Variants in SPIRE1 observed in about 807,000 individuals in gnomAD.
SPIRE1 encodes protein spire homolog 1.
A neutral mutation model predicts 94.1 loss-of-function variants in SPIRE1; 40 were observed. The observed-to-expected ratio is 0.43, with a 90% CI of 0.33 to 0.55. The LOEUF (loss-of-function observed/expected upper bound fraction) is 0.55, where lower values mean the gene tolerates loss of function less well. Among genes scored for constraint, SPIRE1 ranks in the 20% least tolerant of loss-of-function variants. SPIRE1 has a pLI of 0.06. For synonymous variants in SPIRE1, 376 were observed against 371.7 expected (o/e 1.01, Z -0.13); for missense variants, 838 against 975.2 (o/e 0.86, Z 1.87).
chr18:12,499,804 A>G (rs2033592983), intron 6 of SPIRE1, among the ~76,000 whole-genome samples: 1 of 152,200 alleles, frequency 6.6e-6, no homozygotes. Flanking sequence ...GAGTGAAAAG[A>G]CAGTCTGCAG....
At chr18:12,466,289 A>G (rs539833695) in intron 10 of SPIRE1, among the ~76,000 whole-genome samples, 1 of 151,872 alleles carries the variant, frequency 6.6e-6, no homozygotes, top group East Asian at 1.9e-4. Context: ...ATATATATAT[A>G]TTTTTGAGAC....
intron 12 of SPIRE1, among the ~76,000 whole-genome samples, chr18:12,461,519 T>A (rs1251597823): frequency 9.4e-6 from 1 of 106,590 alleles, no homozygotes; most frequent in East Asian, 3.6e-4. Flanking sequence ...CGTACATACA[T>A]ATGTGTGGTA....
In SPIRE1 at chr18:12,506,557, G is replaced by A; in HGVS notation, c.892C>T (p.Pro298Ser). The change falls in exon 6 of 17, where the codon CCC (proline) becomes TCC (serine). Residue 298 changes from proline to serine, a missense_variant. Physicochemically the swap from Pro to Ser is moderately conservative, Grantham distance 74. Around this residue, in one of 2 missense-constraint regions of SPIRE1, gnomAD observed 645 missense variants for 804.7 expected, o/e 0.80. Transcript: ENST00000409402. Reference protein sequence around the residue: ...KVQERQYNPLPIEYQLTPYEM... With the variant: ...KVQERQYNPLSIEYQLTPYEM... ...TAAGGGGTGAGCTGATATTCAATGG[G>A]CAAAGGGTTGTACTGCCGCTCTTGG... 1 of 1,613,906 alleles carries A rather than the reference G, an allele frequency of 6.2e-7. No homozygotes were observed.
intron 16 of SPIRE1, 101 bp from the exon 17 acceptor site, chr18:12,449,997 T>A (rs2031148962): frequency 8.3e-7 from 1 of 1,207,842 alleles, no homozygotes; most frequent in Non-Finnish European, 1.1e-6. Context: ...TGTCAAAACA[T>A]CATGGAATGG....
At position 12,479,807 on chromosome 18, in the gene SPIRE1, T is replaced by C. The variant is rs1300364446; in HGVS notation, c.1296A>G (p.Thr432=). 1 of 1,614,178 alleles carries C rather than the reference T, an allele frequency of 6.2e-7. No individual in the cohort carries two copies. Among genetic ancestry groups the C allele is most frequent in the Admixed American group, 1.7e-5 (1 of 60,012 alleles). Residue 432 remains threonine, a synonymous_variant, in exon 10 of 17, where the codon ACA becomes ACG. Transcript: ENST00000409402. ...TTAACCCGTTTTCTTTTGTTTGTGATGTCAAACCTCCATTCACCATAGATG... is the reference window on the plus strand; with the variant it reads ...TTAACCCGTTTTCTTTTGTTTGTGACGTCAAACCTCCATTCACCATAGATG... ...VESSMVNGGL[T]SQTKENGLST...
At chr18:12,649,830 A>G (rs1298864866) in intron 1 of SPIRE1, among the ~76,000 whole-genome samples, 1 of 152,242 alleles carries the variant, frequency 6.6e-6, no homozygotes, top group African/African-American at 2.4e-5. Context: ...GCAAAAGTAG[A>G]AACACAGATA....
intron 9 of SPIRE1, among the ~76,000 whole-genome samples, chr18:12,482,532 T>C (rs1342634226): frequency 6.6e-6 from 1 of 152,228 alleles, no homozygotes; most frequent in Non-Finnish European, 1.5e-5. Context: ...ATCCATGATT[T>C]TATTGCTTAA....
chr18:12,481,345 C>T (rs1185328232), intron 9 of SPIRE1, among the ~76,000 whole-genome samples: 1 of 145,172 alleles, frequency 6.9e-6, no homozygotes, highest in Non-Finnish European at 1.5e-5. Context: ...TATTTACACA[C>T]CTTAAGTACG....
At chr18:12,528,422 G>A (rs1326217636) in intron 4 of SPIRE1, among the ~76,000 whole-genome samples, 1 of 152,212 alleles carries the variant, frequency 6.6e-6, no homozygotes, top group African/African-American at 2.4e-5. Context: ...CAGAATAGTA[G>A]ATAGACATTT....
intron 16 of SPIRE1, chr18:12,450,365 A>G (rs2031173033): frequency 6.0e-6 from 2 of 334,292 alleles, no homozygotes. Flanking sequence ...GTCTCAAAAA[A>G]CAAAAAAAGA....
In SPIRE1 at chr18:12,546,679, T is replaced by C. The variant is rs1462280644; in HGVS notation, c.598A>G (p.Met200Val). Residue 200 changes from methionine (M) to valine (V), a missense_variant, in exon 3 of 17, where the codon ATG (methionine) becomes GTG (valine). Met to Val is a conservative substitution (Grantham distance 21). This residue lies in a region of SPIRE1 where 645 missense variants were observed against 804.7 expected (regional missense o/e 0.80). Coordinates refer to ENST00000409402, the MANE Select transcript of SPIRE1 (RefSeq NM_001128626.2). ...ISAIRSYRDV[M>V]KLCAAHLPTE... ...TGCATAAAACGCTGCCTTACCTTCATGACATCTCTATATGACCGAATAGCT... is the reference window on the plus strand; with the variant it reads ...TGCATAAAACGCTGCCTTACCTTCACGACATCTCTATATGACCGAATAGCT... 1.9e-6 allele frequency: 3 copies of C among 1,611,158 alleles called. No homozygotes were observed. Among genetic ancestry groups the C allele is most frequent in the South Asian group, 2.2e-5 (2 of 91,010 alleles).
chr18:12,547,134 G>C (rs1378778703), intron 2 of SPIRE1, among the ~76,000 whole-genome samples: 1 of 152,074 alleles, frequency 6.6e-6, no homozygotes, highest in South Asian at 2.1e-4. Context: ...AGGTATTTCT[G>C]AGAACAGATA....
intron 2 of SPIRE1, among the ~76,000 whole-genome samples, chr18:12,594,037 C>A (rs898632455): frequency 5.3e-5 from 8 of 151,968 alleles, no homozygotes; most frequent in African/African-American, 1.9e-4. Context: ...TAAAATGCTG[C>A]CTATGATGCA....
At chr18:12,611,794 G>C (rs1282874139) in intron 2 of SPIRE1, among the ~76,000 whole-genome samples, 1 of 151,848 alleles carries the variant, frequency 6.6e-6, no homozygotes, top group Non-Finnish European at 1.5e-5. Context: ...CCCTGGAGTA[G>C]CTGGGACTAT....
intron 4 of SPIRE1, among the ~76,000 whole-genome samples, chr18:12,514,646 G>T (rs956315368): frequency 6.6e-6 from 1 of 152,052 alleles, no homozygotes. Flanking sequence ...TCAATCAGAG[G>T]GAGTAATATT....
chr18:12,515,385 G>A (rs749797710), intron 4 of SPIRE1, among the ~76,000 whole-genome samples: 8 of 151,864 alleles, frequency 5.3e-5, no homozygotes. Context: ...GTGTGGTGGC[G>A]CTTGCCTGTA....
intron 4 of SPIRE1, among the ~76,000 whole-genome samples, chr18:12,532,230 G>A (rs2144176831): frequency 6.6e-6 from 1 of 152,310 alleles, no homozygotes; most frequent in South Asian, 2.1e-4. Context: ...ATAAATAGAT[G>A]ATGAACCAGA....
intron 2 of SPIRE1, among the ~76,000 whole-genome samples, chr18:12,587,812 A>T (rs1265602111): frequency 6.6e-6 from 1 of 152,238 alleles, no homozygotes; most frequent in Non-Finnish European, 1.5e-5. Flanking sequence ...TGCTTAATAA[A>T]AAAACTCTGA....
At chr18:12,530,464 G>A (rs906673367) in intron 4 of SPIRE1, among the ~76,000 whole-genome samples, 15 of 151,986 alleles carry the variant, frequency 9.9e-5, no homozygotes, top group Non-Finnish European at 1.8e-4. Context: ...TTAAACTCCC[G>A]GGCTCAAAAG....
Sources: gnomAD v4.1 joint callset for allele counts (sites outside exome capture counted in the v4.1 genomes callset) on GRCh38, gnomAD v4.1.1 for gene constraint, gnomAD v4.1.1 regional missense constraint, MANE v1.5 for transcripts, NCBI Gene and HGNC (gene_info 2026-07-23, HGNC 2026-07-21) for gene names.